The following TMEM132C variants were observed in gnomAD, a reference collection of about 807,000 sequenced individuals.
The protein encoded by TMEM132C is protein phosphatase 1, regulatory subunit 152.
TMEM132C carries 29 observed loss-of-function variants against 61.4 expected under a neutral mutation model. The observed-to-expected ratio is 0.47, with a 90% CI of 0.35 to 0.64. TMEM132C has a LOEUF of 0.64. Among genes scored for constraint, TMEM132C ranks in the 30% least tolerant of loss-of-function variants. TMEM132C has a pLI of 0.00. For missense variants in TMEM132C, 1,408 were observed against 1,476.9 expected (o/e 0.95, Z 0.76); for synonymous variants, 656 against 633.1 (o/e 1.04, Z -0.54).
In TMEM132C at chr12:128,696,054, AG is replaced by A; in HGVS notation, c.1882del (p.Asp628ThrfsTer12). ...KLEEPHVATL[Q>X]DSRVLVGREV... ...GAGGAACCTCACGTGGCCACCCTCCAGGACAGCCGGGTCCTGGTTGGGCGAG... is the reference window on the plus strand; with the variant it reads ...GAGGAACCTCACGTGGCCACCCTCCAGACAGCCGGGTCCTGGTTGGGCGAG... On this transcript the variant is annotated frameshift_variant, in exon 7 of 9. Coordinates refer to ENST00000435159, the MANE Select transcript of TMEM132C (RefSeq NM_001136103.3). LOFTEE classifies it high-confidence loss of function. The A allele has an allele frequency of 6.4e-7, 1 of 1,551,702 alleles. No homozygotes were observed. Among genetic ancestry groups the A allele is most frequent in the Non-Finnish European group, 8.7e-7 (1 of 1,146,988 alleles).
In TMEM132C at chr12:128,697,384, C is replaced by G; in HGVS notation, c.2090C>G (p.Thr697Arg). Residue 697 changes from threonine to arginine, a missense_variant, in exon 8 of 9, where the codon ACA (threonine) becomes AGA (arginine). Coordinates refer to ENST00000435159, the MANE Select transcript of TMEM132C (RefSeq NM_001136103.3). ...ENSKAVTAVV[T>R]AEEVLRTPKQ... Reference sequence around the variant, plus strand: ...AGCAAGGCCGTAACAGCTGTGGTCACAGCTGAGGAGGTGCTGCGGACCCCC... The same window carrying G: ...AGCAAGGCCGTAACAGCTGTGGTCAGAGCTGAGGAGGTGCTGCGGACCCCC... 1 of 1,547,072 alleles carries G rather than the reference C, an allele frequency of 6.5e-7. No individual in the cohort carries two copies. The highest frequency in any genetic ancestry group is 8.7e-7 in the Non-Finnish European group (1 of 1,143,382).
intron 2 of TMEM132C, among the ~76,000 whole-genome samples, chr12:128,517,073 A>T (rs531192065): frequency 6.6e-6 from 1 of 151,628 alleles, no homozygotes; most frequent in Non-Finnish European, 1.5e-5. Context: ...ATACAAAAAA[A>T]AAAAAAAATT....
intron 3 of TMEM132C, among the ~76,000 whole-genome samples, chr12:128,558,823 CTATT>C (rs1874414119): frequency 6.6e-6 from 1 of 152,228 alleles, no homozygotes. Context: ...TTTGCTTTGA[CTATT>C]TATAAGCCAA....
At chr12:128,485,664 C>A (rs1008104928) in intron 2 of TMEM132C, among the ~76,000 whole-genome samples, 1 of 152,090 alleles carries the variant, frequency 6.6e-6, no homozygotes, top group Admixed American at 6.6e-5. Flanking sequence ...CAGCCCCCCA[C>A]AGCAAAGATT....
chr12:128,382,109 C>T (rs1383584263), intron 1 of TMEM132C, among the ~76,000 whole-genome samples: 1 of 151,728 alleles, frequency 6.6e-6, no homozygotes, highest in Non-Finnish European at 1.5e-5. Context: ...CCCCATGGCT[C>T]AGCCACCCAC....
At chr12:128,440,485 G>T (rs1453563938) in intron 2 of TMEM132C, among the ~76,000 whole-genome samples, 1 of 152,196 alleles carries the variant, frequency 6.6e-6, no homozygotes, top group African/African-American at 2.4e-5. Flanking sequence ...TGCTGCCACG[G>T]CCCCTGAATG....
intron 2 of TMEM132C, among the ~76,000 whole-genome samples, chr12:128,470,178 A>C (rs1319140667): frequency 1.3e-5 from 2 of 152,082 alleles, no homozygotes; most frequent in Non-Finnish European, 2.9e-5. Context: ...GGTGGCCCTC[A>C]TTTCATTTTT....
At chr12:128,508,158 C>G (rs887109242) in intron 2 of TMEM132C, among the ~76,000 whole-genome samples, 1 of 152,132 alleles carries the variant, frequency 6.6e-6, no homozygotes, top group South Asian at 2.1e-4. Flanking sequence ...CTGGGGAGGC[C>G]TCACGATCAT....
intron 5 of TMEM132C, among the ~76,000 whole-genome samples, chr12:128,670,869 C>T (rs543012118): frequency 2.0e-5 from 3 of 152,200 alleles, no homozygotes; most frequent in Admixed American, 2.0e-4. Context: ...AGTGGGATTT[C>T]AGTATTTTAT....
At chr12:128,413,424 G>A (rs1438681285) in intron 1 of TMEM132C, among the ~76,000 whole-genome samples, 1 of 150,044 alleles carries the variant, frequency 6.7e-6, no homozygotes, top group Non-Finnish European at 1.5e-5. Context: ...TCAAAGAAAA[G>A]TGCAAATGTA....
Position 128,415,597 on chromosome 12 carries a change from C to T in TMEM132C, c.951C>T (p.Ser317=), listed in dbSNP as rs1003697604. The T allele has an allele frequency of 3.9e-6, 6 of 1,536,014 alleles. No individual in the cohort carries two copies. The highest frequency in any genetic ancestry group is 1.2e-5 in the South Asian group (1 of 81,936). ...CCTATGTCACCATCTCGAGCAATTC[C>T]TCTGTGGACCTCTTCATCTTGAGGT... ...VTAYVTISSN[S]SVDLFILRAK... Residue 317 remains serine (S), a synonymous_variant, in exon 2 of 9, where the codon TCC becomes TCT. Transcript: ENST00000435159. This position sits in a 1 kb window ranked among gnomAD's most constrained non-coding sequence, Gnocchi z 5.8.
At chr12:128,323,720 C>G (rs748403264) in intron 1 of TMEM132C, among the ~76,000 whole-genome samples, 25 of 152,164 alleles carry the variant, frequency 1.6e-4, no homozygotes, top group Non-Finnish European at 2.8e-4. Flanking sequence ...AAATGTAATT[C>G]CCTTGCAAGA....
At chr12:128,642,587 C>G (rs1954165964) in intron 4 of TMEM132C, among the ~76,000 whole-genome samples, 1 of 152,186 alleles carries the variant, frequency 6.6e-6, no homozygotes, top group Non-Finnish European at 1.5e-5. Flanking sequence ...CCGCTTCTCT[C>G]TCTTGCTCCC....
intron 2 of TMEM132C, among the ~76,000 whole-genome samples, chr12:128,534,008 C>A (rs533125387): frequency 6.6e-6 from 1 of 151,922 alleles, no homozygotes; most frequent in Non-Finnish European, 1.5e-5. Flanking sequence ...CACTCACACA[C>A]CCCAGCAGGC....
At chr12:128,345,539 C>G (rs917902804) in intron 1 of TMEM132C, among the ~76,000 whole-genome samples, 5 of 152,172 alleles carry the variant, frequency 3.3e-5, no homozygotes, top group Non-Finnish European at 5.9e-5. Flanking sequence ...AACAGTGTAT[C>G]AGCATTCTTT....
intron 4 of TMEM132C, among the ~76,000 whole-genome samples, chr12:128,648,188 C>G (rs1954229470): frequency 1.3e-5 from 2 of 151,586 alleles, no homozygotes; most frequent in Admixed American, 6.6e-5. Flanking sequence ...AGTGTGTTTA[C>G]TGGAGTCCAT....
rs575614807 is a variant in TMEM132C, at chr12:128,557,167, C to T, written c.1121+13064C>T. Among the ~76,000 whole-genome samples the T allele has an allele frequency of 2.2e-4, 33 of 152,266 alleles. No homozygotes were observed. In the South Asian group the frequency reaches 6.6e-3, roughly 31 times the overall value. On this transcript the variant is annotated intron_variant, in intron 3 of 8. Coordinates refer to ENST00000435159, the MANE Select transcript of TMEM132C (RefSeq NM_001136103.3). ...AGATATTGACGGGTTTGTCATCTTA[C>T]ACCAAGGGACCCTTCCCACTTCCCA...
intron 2 of TMEM132C, among the ~76,000 whole-genome samples, chr12:128,441,285 C>T (rs904449581): frequency 1.3e-5 from 2 of 152,252 alleles, no homozygotes; most frequent in African/African-American, 4.8e-5. Flanking sequence ...TCTCAGTCCA[C>T]TTCACTCACA....
intron 4 of TMEM132C, among the ~76,000 whole-genome samples, chr12:128,666,005 G>T (rs1349072211): frequency 2.9e-5 from 2 of 69,360 alleles, no homozygotes; most frequent in African/African-American, 1.4e-4. Flanking sequence ...TCACACACAG[G>T]CACACACACA....
Sources: gnomAD v4.1 joint callset for allele counts (sites outside exome capture counted in the v4.1 genomes callset) on GRCh38, gnomAD v4.1.1 for gene constraint, Gnocchi (gnomAD v3.1) non-coding constraint, MANE v1.5 for transcripts, NCBI Gene and HGNC (gene_info 2026-07-23, HGNC 2026-07-21) for gene names.